GRID2: variants seen among roughly 807,000 people sequenced by gnomAD.
GRID2 encodes glutamate receptor ionotropic, delta-2.
A neutral mutation model predicts 114.8 loss-of-function variants in GRID2; 33 were observed. The ratio of observed to expected loss-of-function variants is 0.29; its 90% CI spans 0.22 to 0.38. The LOEUF is 0.38. GRID2 is among the 10% of genes least tolerant of loss of function. GRID2 has a pLI of 1.00. For synonymous variants in GRID2, 505 were observed against 449.9 expected, an observed-to-expected ratio of 1.12 and a Z score of -1.55; for missense variants, 1,184 against 1,257.7, an observed-to-expected ratio of 0.94 and a Z score of 0.89.
intron 2 of GRID2, among the ~76,000 whole-genome samples, chr4:92,760,591 C>T (rs1171331424): frequency 6.6e-6 from 1 of 152,128 alleles, no homozygotes; most frequent in Admixed American, 6.5e-5. Context: ...CTATAGCTCT[C>T]CCAATTCCTA....
At chr4:93,370,549 ACT>A (rs1405252210) in intron 8 of GRID2, among the ~76,000 whole-genome samples, 3 of 151,890 alleles carry the variant, frequency 2.0e-5, no homozygotes, top group African/African-American at 7.3e-5. Flanking sequence ...AGAATTGTTC[ACT>A]GTTTCTTGAA....
chr4:92,316,185 G>T (rs1458151822), intron 1 of GRID2, among the ~76,000 whole-genome samples: 1 of 151,914 alleles, frequency 6.6e-6, no homozygotes, highest in African/African-American at 2.4e-5. Context: ...ATTCTTTGCT[G>T]CTTCTGTGAA....
chr4:93,798,264 G>A (rs1312727661), intron 1 of GRID2, among the ~76,000 whole-genome samples: 1 of 152,062 alleles, frequency 6.6e-6, no homozygotes, highest in Non-Finnish European at 1.5e-5. Context: ...CAGAGGGGAG[G>A]GGAGGCTCTG....
intron 13 of GRID2, among the ~76,000 whole-genome samples, chr4:93,591,778 G>A (rs1422300712): frequency 5.9e-5 from 9 of 152,172 alleles, no homozygotes; most frequent in Non-Finnish European, 1.3e-4. Flanking sequence ...TCCTGGCTTA[G>A]TCTTGGGAGA....
At chr4:92,980,440 T>G (rs895717654) in intron 2 of GRID2, among the ~76,000 whole-genome samples, 4 of 152,036 alleles carry the variant, frequency 2.6e-5, no homozygotes, top group Non-Finnish European at 4.4e-5. Flanking sequence ...GATTCAGTAC[T>G]TAGGCAATGG....
At chr4:92,999,804 A>G (rs980136105) in intron 2 of GRID2, among the ~76,000 whole-genome samples, 4 of 151,678 alleles carry the variant, frequency 2.6e-5, no homozygotes, top group Non-Finnish European at 5.9e-5. Flanking sequence ...GATTGCTGAT[A>G]CATGCTGTCG....
At chr4:92,659,789 A>T (rs1489473379) in intron 2 of GRID2, among the ~76,000 whole-genome samples, 2 of 151,074 alleles carry the variant, frequency 1.3e-5, no homozygotes, top group African/African-American at 4.9e-5. Flanking sequence ...ATTCATTAAC[A>T]CTCCTGGAAA....
chr4:92,863,623 T>G lies in GRID2; in HGVS notation c.245-221372T>G, dbSNP rs562345276. 5.9e-5 allele frequency among the ~76,000 whole-genome samples: 9 copies of G among 152,270 alleles called. No individual in the cohort carries two copies. In the South Asian group the frequency reaches 1.9e-3, roughly 32 times the overall value. ...TTGTGAAGCTTTCTCTATGTAGTAT[T>G]AGTGTGTATCTTCACTTTCATCATT... On this transcript the variant is annotated intron_variant, in intron 2 of 15. Transcript: ENST00000282020.
At chr4:92,815,988 C>T (rs1740883603) in intron 2 of GRID2, among the ~76,000 whole-genome samples, 1 of 149,242 alleles carries the variant, frequency 6.7e-6, no homozygotes, top group African/African-American at 2.5e-5. Context: ...AAAAAAAACC[C>T]CTCACAAACA....
intron 2 of GRID2, among the ~76,000 whole-genome samples, chr4:92,685,684 T>G (rs2149288301): frequency 6.6e-6 from 1 of 152,162 alleles, no homozygotes; most frequent in South Asian, 2.1e-4. Flanking sequence ...TATGACCATA[T>G]AATTTTAATA....
chr4:93,524,978 G>A (rs1730741567), intron 13 of GRID2, among the ~76,000 whole-genome samples: 2 of 151,698 alleles, frequency 1.3e-5, no homozygotes, highest in South Asian at 2.1e-4. Context: ...TTTTTCCACA[G>A]TGATTTAATT....
chr4:92,548,260 T>C (rs1243223489), intron 1 of GRID2, among the ~76,000 whole-genome samples: 2 of 152,114 alleles, frequency 1.3e-5, no homozygotes. Flanking sequence ...ACACTTCTAG[T>C]CTGCTTGTGC....
At chr4:92,521,565 A>G (rs561117482) in intron 1 of GRID2, among the ~76,000 whole-genome samples, 1 of 152,100 alleles carries the variant, frequency 6.6e-6, no homozygotes, top group Non-Finnish European at 1.5e-5. Context: ...ACAGAGAATC[A>G]TTTATTGAAT....
chr4:92,607,068 C>A (rs751469742), intron 2 of GRID2, among the ~76,000 whole-genome samples: 21 of 151,948 alleles, frequency 1.4e-4, no homozygotes, highest in Non-Finnish European at 2.6e-4. Context: ...CAATACACAG[C>A]ATAGTTGAGT....
At chr4:92,380,253 G>A (rs1729555127) in intron 1 of GRID2, among the ~76,000 whole-genome samples, 1 of 151,340 alleles carries the variant, frequency 6.6e-6, no homozygotes, top group African/African-American at 2.4e-5. Flanking sequence ...ATATCTTTTA[G>A]GAGAAAGAGT....
intron 1 of GRID2, among the ~76,000 whole-genome samples, chr4:92,506,858 G>A (rs140749204): frequency 1.5e-3 from 223 of 151,830 alleles, no homozygotes; most frequent in African/African-American, 5.1e-3. Context: ...AGCAATTGGC[G>A]TCATCAGTTT....
rs1270877513 is a variant in GRID2 at position 92,727,572 on chromosome 4, T to C, written c.244+137286T>C. On this transcript the variant is annotated intron_variant, in intron 2 of 15. Transcript: ENST00000282020. The stretch of plus-strand genomic sequence containing the variant: ...TATACTTATATGCACATCAATAATG[T>C]ATATACCATATATTTGTGTTGTATA... 3.9e-5 allele frequency among the ~76,000 whole-genome samples: 6 copies of C among 152,256 alleles called. No individual in the cohort carries two copies. The East Asian group carries it at 7.7e-4, about 20-fold the overall frequency.
chr4:92,769,351 T>C (rs1362612010), intron 2 of GRID2, among the ~76,000 whole-genome samples: 3 of 152,190 alleles, frequency 2.0e-5, no homozygotes, highest in Admixed American at 6.5e-5. Context: ...TCTCACCTGC[T>C]TTCATGGGCC....
At chr4:92,329,993 A>AGAGAG (rs1726794751) in intron 1 of GRID2, among the ~76,000 whole-genome samples, 2 of 132,582 alleles carry the variant, frequency 1.5e-5, no homozygotes, top group Admixed American at 7.8e-5. Context: ...TATGGGAGGA[A>AGAGAG]AGAGAGAGAG....
Sources: allele counts gnomAD v4.1 joint callset (sites outside exome capture counted in the v4.1 genomes callset), GRCh38; gene constraint gnomAD v4.1.1; transcripts MANE v1.5; gene names NCBI Gene and HGNC (gene_info 2026-07-23, HGNC 2026-07-21).